Variants in AP1B1 observed in about 807,000 individuals in gnomAD.
AP1B1 encodes AP-1 complex subunit beta-1.
A neutral mutation model predicts 104.3 loss-of-function variants in AP1B1; 36 were observed. That is an observed-to-expected ratio of 0.35 (90% confidence interval 0.26 to 0.46). AP1B1 has a LOEUF of 0.46. Among genes scored for constraint, AP1B1 ranks in the 20% least tolerant of loss-of-function variants. AP1B1 has a pLI of 1.00. For synonymous variants in AP1B1, 504 were observed against 517.5 expected, an observed-to-expected ratio of 0.97 and a Z score of 0.35; for missense variants, 901 against 1,247.9, an observed-to-expected ratio of 0.72 and a Z score of 4.19.
intron 22 of AP1B1, 127 bp downstream of exon 22, chr22:29,329,585 C>T: frequency 6.5e-7 from 1 of 1,540,026 alleles, no homozygotes; most frequent in Non-Finnish European, 8.8e-7. Flanking sequence ...GGCCACCTGG[C>T]TGAAGCCCCC....
rs1294729679 is a variant in AP1B1 at position 29,358,881 on chromosome 22, C to T, written c.370G>A (p.Glu124Lys). 2.5e-6 allele frequency: 4 copies of T among 1,613,994 alleles called. No individual in the cohort carries two copies. Among genetic ancestry groups the T allele is most frequent in the East Asian group, 2.2e-5 (1 of 44,880 alleles). Residue 124 changes from glutamate (E) to lysine (K), a missense_variant, in exon 5 of 23, where the codon GAG becomes AAG. Around this residue, in one of 3 missense-constraint regions of AP1B1, gnomAD observed 471 missense variants for 696.7 expected, o/e 0.68. Transcript: ENST00000357586. ...TCCTTCAGGCACTTCCGGAGTGGCT[C>T]GCACAGGTACTCTGTGATCTTGTCA... ...RVDKITEYLC[E>K]PLRKCLKDED... is the part of the protein sequence containing the mutation.
chr22:29,356,369 G>A (rs1355327621), intron 6 of AP1B1, 57 bp downstream of exon 6: 1 of 1,531,550 alleles, frequency 6.5e-7, no homozygotes, highest in East Asian at 2.3e-5. Flanking sequence ...CCTGGTTGGA[G>A]CCCCTGAGGA....
chr22:29,340,846 G>A lies in AP1B1; in HGVS notation c.1808C>T (p.Ala603Val). Reference protein sequence around the residue: ...LPPRTASSESAESPETAPTGA... With the variant: ...LPPRTASSESVESPETAPTGA... ...AGTAGGGGCTGTCTCAGGGCTCTCT[G>A]CGCTCTCACTCCTGCCGGGACACAG... The change falls in exon 14 of 23, where the codon GCA becomes GTA. Residue 603 changes from alanine to valine, a missense_variant. Coordinates refer to ENST00000357586, the MANE Select transcript of AP1B1 (RefSeq NM_001127.4). 1.3e-6 allele frequency: 2 copies of A among 1,594,512 alleles called. No individual in the cohort carries two copies. Among genetic ancestry groups the A allele is most frequent in the South Asian group, 1.1e-5 (1 of 87,224 alleles).
At chr22:29,386,198 CCAG>C (rs2062519853) in intron 1 of AP1B1, among the ~76,000 whole-genome samples, 1 of 152,066 alleles carries the variant, frequency 6.6e-6, no homozygotes, top group East Asian at 1.9e-4. Flanking sequence ...GAAAGGGTGG[CCAG>C]TATTATTTTA....
intron 5 of AP1B1, among the ~76,000 whole-genome samples, 179 bp from the exon 6 acceptor site, chr22:29,356,795 A>C (rs2061965638): frequency 6.6e-6 from 1 of 152,226 alleles, no homozygotes; most frequent in Non-Finnish European, 1.5e-5. Context: ...ACTCCTCTGC[A>C]AACTGGAACA....
intron 3 of AP1B1, among the ~76,000 whole-genome samples, chr22:29,362,144 C>T (rs2062057763): frequency 1.3e-5 from 2 of 152,158 alleles, no homozygotes; most frequent in African/African-American, 4.8e-5. Flanking sequence ...GGCGCTCCCA[C>T]AGGGGAAGCA....
intron 1 of AP1B1, among the ~76,000 whole-genome samples, chr22:29,378,179 G>A (rs2148048297): frequency 6.6e-6 from 1 of 152,264 alleles, no homozygotes; most frequent in Middle Eastern, 3.4e-3. Flanking sequence ...CGTCAAGTTT[G>A]GTCATGTGCC....
intron 2 of AP1B1, among the ~76,000 whole-genome samples, chr22:29,366,833 G>GACACACACACACACACAC (rs200885223): frequency 1.5e-5 from 2 of 131,404 alleles, no homozygotes; most frequent in South Asian, 2.7e-4. Flanking sequence ...CTTGGATAAG[G>GACACACACACACACACAC]ACACACACAC....
At chr22:29,385,067 TGCAAA>T (rs1643403993) in intron 1 of AP1B1, among the ~76,000 whole-genome samples, 1 of 150,684 alleles carries the variant, frequency 6.6e-6, no homozygotes, top group Admixed American at 6.6e-5. Context: ...GAGGGAAGAG[TGCAAA>T]GCAAAGACAG....
intron 3 of AP1B1, 31 bp downstream of exon 3, chr22:29,362,970 T>C: frequency 6.4e-7 from 1 of 1,562,438 alleles, no homozygotes; most frequent in Non-Finnish European, 8.8e-7. Flanking sequence ...TCAGCCAGCT[T>C]CTAGCTGCCA....
intron 16 of AP1B1, among the ~76,000 whole-genome samples, chr22:29,336,267 C>T (rs1316281795): frequency 6.6e-6 from 1 of 152,212 alleles, no homozygotes; most frequent in Non-Finnish European, 1.5e-5. Context: ...GGCCACAGCG[C>T]TGTTAGGAAG....
intron 1 of AP1B1, among the ~76,000 whole-genome samples, chr22:29,386,720 C>T (rs187223271): frequency 7.0e-4 from 107 of 152,320 alleles, no homozygotes; most frequent in African/African-American, 2.4e-3. Flanking sequence ...GAAGCCCTCA[C>T]GGGTTCATTC....
intron 1 of AP1B1, among the ~76,000 whole-genome samples, chr22:29,387,262 C>T (rs2062540444): frequency 6.6e-6 from 1 of 151,024 alleles, no homozygotes; most frequent in African/African-American, 2.4e-5. Context: ...AATAAGGCTA[C>T]ATCGTGACAT....
intron 7 of AP1B1, among the ~76,000 whole-genome samples, chr22:29,353,168 G>A (rs1048003394): frequency 6.6e-6 from 1 of 152,286 alleles, no homozygotes; most frequent in Admixed American, 6.5e-5. Context: ...CCAGAACAGA[G>A]AGGAGGAAGG....
chr22:29,341,302 T>C (rs147362504), intron 13 of AP1B1, among the ~76,000 whole-genome samples, 199 bp downstream of exon 13: 1 of 152,240 alleles, frequency 6.6e-6, no homozygotes, highest in Admixed American at 6.5e-5. Flanking sequence ...ATGGGGACAT[T>C]TGCTCTCAGC....
At chr22:29,329,129 CAG>C in intron 22 of AP1B1, 1 of 1,341,926 alleles carries the variant, frequency 7.5e-7, no homozygotes, top group East Asian at 3.1e-5. Context: ...GCCCAGTCAC[CAG>C]AGCCCTGCTG....
At chr22:29,332,911 G>A (rs183955603) in intron 17 of AP1B1, among the ~76,000 whole-genome samples, 2 of 152,346 alleles carry the variant, frequency 1.3e-5, no homozygotes, top group Admixed American at 6.5e-5. Context: ...ACTAAAAAGG[G>A]GTGATGGCAG....
At chr22:29,375,272 C>T (rs2062317904) in intron 1 of AP1B1, among the ~76,000 whole-genome samples, 2 of 140,742 alleles carry the variant, frequency 1.4e-5, no homozygotes, top group Non-Finnish European at 3.0e-5. Flanking sequence ...ATCGCTTGAA[C>T]CTGGGAGGCA....
chr22:29,331,648 C>G, intron 18 of AP1B1, 115 bp from the exon 19 acceptor site: 1 of 1,577,092 alleles, frequency 6.3e-7, no homozygotes, highest in Non-Finnish European at 8.7e-7. Flanking sequence ...AAACACACCC[C>G]TTCGTTCCCC....
Sources: allele counts gnomAD v4.1 joint callset (sites outside exome capture counted in the v4.1 genomes callset), GRCh38; gene constraint gnomAD v4.1.1; regional missense constraint gnomAD v4.1.1; transcripts MANE v1.5; gene names NCBI Gene and HGNC (gene_info 2026-07-23, HGNC 2026-07-21).